The following RDH10 variants were observed in gnomAD, a reference collection of about 807,000 sequenced individuals.
RDH10 encodes the protein retinol dehydrogenase 10 (all-trans).
RDH10 carries 12 observed loss-of-function variants against 30.2 expected under a neutral mutation model. That is an observed-to-expected ratio of 0.40 (90% CI 0.25 to 0.64). The LOEUF is 0.64. Ranked by LOEUF, RDH10 falls within the 30% of genes least tolerant of loss-of-function variation. The pLI, the probability that RDH10 is intolerant of heterozygous loss-of-function variation, is 0.43. For missense variants in RDH10, 268 were observed against 445.2 expected, an observed-to-expected ratio of 0.60 and a Z score of 3.58; for synonymous variants, 189 against 172.2, an observed-to-expected ratio of 1.10 and a Z score of -0.76.
intron 2 of RDH10, chr8:73,298,077 A>G (rs1814306945): frequency 6.5e-6 from 1 of 154,846 alleles, no homozygotes; most frequent in Admixed American, 6.3e-5. Context: ...CCATTAAACA[A>G]TGTCATGATC....
chr8:73,301,042 C>CTTTTTTT (rs57107587), intron 2 of RDH10, among the ~76,000 whole-genome samples: 3 of 87,238 alleles, frequency 3.4e-5, no homozygotes, highest in African/African-American at 9.5e-5. Flanking sequence ...AAACTCTATT[C>CTTTTTTT]TTTTTTTTTT....
At chr8:73,304,056 T>C (rs1348044061) in intron 2 of RDH10, among the ~76,000 whole-genome samples, 1 of 152,222 alleles carries the variant, frequency 6.6e-6, no homozygotes, top group Non-Finnish European at 1.5e-5. Context: ...TGCAGCTTCA[T>C]CTTTCTACAG....
At chr8:73,317,934 A>G (rs1353176142) in intron 2 of RDH10, among the ~76,000 whole-genome samples, 1 of 128,720 alleles carries the variant, frequency 7.8e-6, no homozygotes, top group Non-Finnish European at 1.7e-5. Flanking sequence ...CCCCGCCCAA[A>G]AAAAAAAAAC....
At chr8:73,313,695 TA>T in intron 2 of RDH10, among the ~76,000 whole-genome samples, 1 of 152,306 alleles carries the variant, frequency 6.6e-6, no homozygotes, top group East Asian at 1.9e-4. Context: ...TGAGACCCCC[TA>T]GATCAAGAGT....
chr8:73,324,660 T>C lies in RDH10; in HGVS notation c.*1624T>C, dbSNP rs901100839. On this transcript the variant is annotated 3_prime_UTR_variant, in exon 6 of 6. Transcript: ENST00000240285. ...ATCCCACTTTAGGTAAAGAAAAATA[T>C]TGGAATGGAATAGTGTTGGGAAACA... The C allele has an allele frequency of 1.3e-5, 2 of 152,164 alleles. No individual in the cohort carries two copies. Among genetic ancestry groups the C allele is most frequent in the African/African-American group, 4.8e-5 (2 of 41,438 alleles). 9.4% of individuals were successfully genotyped at this position (152,164 alleles called of 1,614,324 possible). A position where few individuals can be genotyped will look rare whatever the true frequency, so the allele number is the denominator to read the frequency against.
chr8:73,299,090 A>G (rs568347779), intron 2 of RDH10, among the ~76,000 whole-genome samples: 1 of 152,352 alleles, frequency 6.6e-6, no homozygotes, highest in South Asian at 2.1e-4. Flanking sequence ...CTAGGGTTAC[A>G]GGTGTAAACC....
chr8:73,312,387 C>T (rs536043854), intron 2 of RDH10: 1 of 152,320 alleles, frequency 6.6e-6, no homozygotes, highest in East Asian at 1.9e-4. Context: ...ATTTGAGCAA[C>T]ATCAGCAGTT....
intron 2 of RDH10, among the ~76,000 whole-genome samples, chr8:73,317,853 G>A (rs1007627131): frequency 8.6e-5 from 13 of 151,906 alleles, no homozygotes; most frequent in South Asian, 2.1e-4. Flanking sequence ...CCAGGAGTTC[G>A]AGGCTGCAGT....
intron 2 of RDH10, 48 bp from the exon 3 acceptor site, chr8:73,319,048 T>A (rs1814722073): frequency 7.7e-7 from 1 of 1,292,104 alleles, no homozygotes; most frequent in East Asian, 2.3e-5. Flanking sequence ...GGGTTTTAGA[T>A]GAAATTCATG....
intron 2 of RDH10, among the ~76,000 whole-genome samples, chr8:73,314,796 C>T (rs760683861): frequency 5.3e-5 from 8 of 152,052 alleles, no homozygotes; most frequent in Non-Finnish European, 1.0e-4. Flanking sequence ...AATTAATGAG[C>T]CTTTCAAATA....
At chr8:73,300,048 A>G (rs1302259816) in intron 2 of RDH10, among the ~76,000 whole-genome samples, 1 of 152,176 alleles carries the variant, frequency 6.6e-6, no homozygotes, top group African/African-American at 2.4e-5. Context: ...TTGCTTAACC[A>G]CACAATTTAA....
rs1814829281 is a variant in RDH10 at position 73,324,380 on chromosome 8, T to A, written c.*1344T>A. 6.5e-6 allele frequency: 1 copy of A among 152,686 alleles called. No individual in the cohort carries two copies. The highest frequency in any genetic ancestry group is 2.1e-4 in the South Asian group (1 of 4,834). The allele number at this position is 152,686 out of a possible 1,614,324, so 9.5% of individuals were successfully genotyped here. A position where few individuals can be genotyped will look rare whatever the true frequency, so the allele number is the denominator to read the frequency against. On this transcript the variant is annotated 3_prime_UTR_variant, in exon 6 of 6. Transcript: ENST00000240285. ...TAGTGAAACATTGTAAAGGTGAACT[T>A]CTACCTCTGTATCTAAATGTATACC...
chr8:73,304,542 G>A lies in RDH10; in HGVS notation c.525+7113G>A, dbSNP rs1814436168. Among the ~76,000 whole-genome samples, 3 of 152,098 alleles carry A rather than the reference G, an allele frequency of 2.0e-5. No individual in the cohort carries two copies. The South Asian group carries it at 6.2e-4, about 32-fold the overall frequency. On this transcript the variant is annotated intron_variant, in intron 2 of 5. Coordinates refer to ENST00000240285, the MANE Select transcript of RDH10 (RefSeq NM_172037.5). ...ATATTGCTCACAGCGTGAAGTCCAG[G>A]CTCATTAGCATGGCATCCTGGGCCT...
In RDH10 at chr8:73,295,238, G is replaced by A; in HGVS notation, c.-52G>A. 6.8e-7 allele frequency: 1 copy of A among 1,473,400 alleles called. No individual in the cohort carries two copies. Among genetic ancestry groups the A allele is most frequent in the Non-Finnish European group, 9.0e-7 (1 of 1,113,162 alleles). 91.3% of individuals were successfully genotyped at this position (1,473,400 alleles called of 1,614,324 possible). On this transcript the variant is annotated 5_prime_UTR_variant, in exon 1 of 6. Coordinates refer to ENST00000240285, the MANE Select transcript of RDH10 (RefSeq NM_172037.5). ...AGCCGGGAGCCCGATTGCCGGGCTC[G>A]GGGTGGGCGCGGACGCAGGCACTGG...
intron 2 of RDH10, 57 bp from the exon 3 acceptor site, chr8:73,319,039 G>T: frequency 1.7e-6 from 2 of 1,151,194 alleles, no homozygotes; most frequent in South Asian, 1.3e-5. Context: ...TCCTGGACTG[G>T]GTTTTAGATG....
Position 73,297,595 on chromosome 8 carries a change from C to G in RDH10, c.525+166C>G, listed in dbSNP as rs544604001. 1.3e-3 allele frequency: 762 copies of G among 579,202 alleles called. 7 individuals carry two copies. Among genetic ancestry groups the G allele is most frequent in the Admixed American group, 1.2e-3 (41 of 35,554 alleles). 35.9% of individuals were successfully genotyped at this position (579,202 alleles called of 1,614,324 possible). On this transcript the variant is annotated intron_variant, in intron 2 of 5. Transcript: ENST00000240285. ...GCAGTGTATGCTGGTTACTGTTAGT[C>G]GTTTTGTCCCCGCCCACCCCCCCGC...
rs1480796592 is a variant in RDH10, at chr8:73,324,898, A to G, written c.*1862A>G. On this transcript the variant is annotated 3_prime_UTR_variant, in exon 6 of 6. Transcript: ENST00000240285. ...ATGTTCCCAATGCAGGACTTGAGGA[A>G]GAGCTCTGTTATATGTTTCCATTTC... The G allele has an allele frequency of 1.3e-5, 2 of 151,886 alleles. No individual in the cohort carries two copies. Among genetic ancestry groups the G allele is most frequent in the African/African-American group, 4.8e-5 (2 of 41,430 alleles). The allele number at this position is 151,886 out of a possible 1,614,324, so 9.4% of individuals were successfully genotyped here.
intron 4 of RDH10, chr8:73,321,803 T>C (rs1181771040): frequency 2.2e-6 from 1 of 456,116 alleles, no homozygotes; most frequent in African/African-American, 2.0e-5. Context: ...TCCCTGTTGG[T>C]TGGGGGCCAT....
At position 73,321,086 on chromosome 8, in the gene RDH10, G is replaced by C. The variant is rs763951549; in HGVS notation, c.770+9G>C. On this transcript the variant is annotated intron_variant, in intron 4 of 5. Transcript: ENST00000240285. Reference sequence around the variant, plus strand: ...AGAGGCTGCCGAATCAGGTCAGTGAGAACCTATATTATTACTGATAAAAAG... The same window carrying C: ...AGAGGCTGCCGAATCAGGTCAGTGACAACCTATATTATTACTGATAAAAAG... The C allele has an allele frequency of 1.2e-6, 2 of 1,605,652 alleles. No individual in the cohort carries two copies. Among genetic ancestry groups the C allele is most frequent in the Non-Finnish European group, 1.7e-6 (2 of 1,175,726 alleles).
Sources: allele counts gnomAD v4.1 joint callset (sites outside exome capture counted in the v4.1 genomes callset), GRCh38; gene constraint gnomAD v4.1.1; transcripts MANE v1.5; gene names NCBI Gene and HGNC (gene_info 2026-07-23, HGNC 2026-07-21).